Variants in MMP16 observed in about 807,000 individuals in gnomAD.
The protein encoded by MMP16 is matrix metalloproteinase-16.
A neutral mutation model predicts 67.8 loss-of-function variants in MMP16; 12 were observed. The ratio of observed to expected loss-of-function variants is 0.18; its 90% CI spans 0.11 to 0.29. MMP16 has a LOEUF of 0.29. Among genes scored for constraint, MMP16 ranks in the 10% least tolerant of loss-of-function variants. The pLI, the probability that MMP16 is intolerant of heterozygous loss-of-function variation, is 1.00. For synonymous variants in MMP16, 249 were observed against 255.9 expected, an observed-to-expected ratio of 0.97 and a Z score of 0.26; for missense variants, 475 against 765.7, an observed-to-expected ratio of 0.62 and a Z score of 4.48.
chr8:88,296,220 T>C (rs1811011568), intron 1 of MMP16, among the ~76,000 whole-genome samples: 1 of 152,164 alleles, frequency 6.6e-6, no homozygotes, highest in South Asian at 2.1e-4. Flanking sequence ...ATAATATAAC[T>C]CTATCTTTAA....
intron 1 of MMP16, among the ~76,000 whole-genome samples, chr8:88,197,765 C>A (rs536655329): frequency 6.6e-6 from 1 of 152,166 alleles, no homozygotes; most frequent in African/African-American, 2.4e-5. Context: ...GTGACTCCAG[C>A]TATGACGTGT....
chr8:88,050,939 T>C (rs1239524936), intron 8 of MMP16, among the ~76,000 whole-genome samples: 1 of 152,212 alleles, frequency 6.6e-6, no homozygotes, highest in Non-Finnish European at 1.5e-5. Context: ...TTTATTACAC[T>C]CTTTTGTAGG....
chr8:88,244,302 G>T (rs1163500871), intron 1 of MMP16, among the ~76,000 whole-genome samples: 1 of 152,058 alleles, frequency 6.6e-6, no homozygotes, highest in African/African-American at 2.4e-5. Context: ...ATTATTTTGT[G>T]AATTTACAAA....
chr8:88,308,115 T>G (rs1440076178), intron 1 of MMP16, among the ~76,000 whole-genome samples: 1 of 152,084 alleles, frequency 6.6e-6, no homozygotes, highest in Non-Finnish European at 1.5e-5. Context: ...AAAGGCAGCA[T>G]TTAAAGCATT....
intron 7 of MMP16, among the ~76,000 whole-genome samples, chr8:88,059,531 C>A (rs563704206): frequency 5.3e-5 from 8 of 152,154 alleles, no homozygotes; most frequent in Non-Finnish European, 1.0e-4. Flanking sequence ...ACTAGTTATT[C>A]GTGGCTGACA....
At chr8:88,267,660 T>C (rs1043139463) in intron 1 of MMP16, among the ~76,000 whole-genome samples, 1 of 152,204 alleles carries the variant, frequency 6.6e-6, no homozygotes, top group Non-Finnish European at 1.5e-5. Flanking sequence ...TTAGTAGAAT[T>C]ATCAAAGGTA....
chr8:88,267,323 TAA>T (rs1810491182), intron 1 of MMP16, among the ~76,000 whole-genome samples: 1 of 152,214 alleles, frequency 6.6e-6, no homozygotes, highest in Non-Finnish European at 1.5e-5. Context: ...TAGTGGTGGT[TAA>T]GTCTTAAATA....
intron 3 of MMP16, among the ~76,000 whole-genome samples, chr8:88,172,527 A>G (rs1468180784): frequency 6.6e-6 from 1 of 152,200 alleles, no homozygotes; most frequent in Non-Finnish European, 1.5e-5. Context: ...TCATGAGGTA[A>G]TAAGATTGCT....
intron 1 of MMP16, among the ~76,000 whole-genome samples, chr8:88,289,027 G>A (rs1249109804): frequency 1.3e-5 from 2 of 152,192 alleles, no homozygotes; most frequent in East Asian, 3.9e-4. Flanking sequence ...GGGGATCACA[G>A]AGGTTCACGC....
In MMP16 at chr8:88,211,683, T is replaced by C. The variant is rs532255592; in HGVS notation, c.133-14377A>G. Among the ~76,000 whole-genome samples the C allele has an allele frequency of 4.6e-5, 7 of 152,280 alleles. No homozygotes were observed. In the South Asian group the frequency reaches 1.5e-3, roughly 32 times the overall value. ...TTCCTAGACCAGGCTCTCTTTTACT[T>C]ATACTTGAATATTGCAACACTTTCC... On this transcript the variant is annotated intron_variant, in intron 1 of 9. Coordinates refer to ENST00000286614, the MANE Select transcript of MMP16 (RefSeq NM_005941.5).
chr8:88,048,390 A>G (rs1343048004), intron 8 of MMP16, among the ~76,000 whole-genome samples: 3 of 151,984 alleles, frequency 2.0e-5, no homozygotes, highest in African/African-American at 7.3e-5. Context: ...ATCACTCATT[A>G]TTGTCCATGT....
At chr8:88,053,135 A>C (rs1808290586) in intron 8 of MMP16, among the ~76,000 whole-genome samples, 1 of 152,180 alleles carries the variant, frequency 6.6e-6, no homozygotes, top group Non-Finnish European at 1.5e-5. Flanking sequence ...GGAAGCAGGC[A>C]CTAGAGCTAC....
chr8:88,099,594 T>C (rs1809099731), intron 6 of MMP16, among the ~76,000 whole-genome samples: 1 of 151,820 alleles, frequency 6.6e-6, no homozygotes, highest in Non-Finnish European at 1.5e-5. Context: ...TATAGTCCAA[T>C]AACTGAAATT....
At chr8:88,143,067 G>A (rs1220455711) in intron 4 of MMP16, among the ~76,000 whole-genome samples, 8 of 152,034 alleles carry the variant, frequency 5.3e-5, no homozygotes, top group Admixed American at 4.6e-4. Context: ...AGCCCATTAT[G>A]TCAAATCTAA....
At chr8:88,248,242 A>C (rs1352984760) in intron 1 of MMP16, among the ~76,000 whole-genome samples, 2 of 152,132 alleles carry the variant, frequency 1.3e-5, no homozygotes, top group Non-Finnish European at 2.9e-5. Flanking sequence ...AGTTGAAGTA[A>C]GCATATTGAA....
intron 7 of MMP16, among the ~76,000 whole-genome samples, chr8:88,061,340 A>G (rs1259273990): frequency 6.6e-6 from 1 of 152,088 alleles, no homozygotes; most frequent in Non-Finnish European, 1.5e-5. Flanking sequence ...CTGTTGGCCT[A>G]TACCTCAGTG....
chr8:88,041,332 T>G lies in MMP16; in HGVS notation c.*129A>C. The stretch of plus-strand genomic sequence containing the variant: ...TGCAGGACCAGCAACCCTCTGGGTT[T>G]GAAAGGTCAGCCCCGAATCAGGCTG... On this transcript the variant is annotated 3_prime_UTR_variant, in exon 10 of 10. Transcript: ENST00000286614. This position sits in a 1 kb window ranked among gnomAD's most constrained non-coding sequence, Gnocchi z 6.0. 1 of 897,830 alleles carries G rather than the reference T, an allele frequency of 1.1e-6. No homozygotes were observed. The highest frequency in any genetic ancestry group is 1.7e-6 in the Non-Finnish European group (1 of 577,328). 55.6% of individuals were successfully genotyped at this position (897,830 alleles called of 1,614,324 possible). A position where few individuals can be genotyped will look rare whatever the true frequency, so the allele number is the denominator to read the frequency against.
chr8:88,035,109 T>A lies in MMP16; in HGVS notation c.*6352A>T. On this transcript the variant is annotated 3_prime_UTR_variant, in exon 10 of 10. Coordinates refer to ENST00000286614, the MANE Select transcript of MMP16 (RefSeq NM_005941.5). This position sits in a 1 kb window ranked among gnomAD's most constrained non-coding sequence, Gnocchi z 4.7. Reference sequence around the variant, plus strand: ...AAACATCTCTATAAGCCAAAAAGTTTATCATTTTATTCTTGTTCACCATTC... The same window carrying A: ...AAACATCTCTATAAGCCAAAAAGTTAATCATTTTATTCTTGTTCACCATTC... The A allele has an allele frequency of 6.6e-6, 1 of 152,054 alleles. No individual in the cohort carries two copies. The highest frequency in any genetic ancestry group is 1.9e-4 in the East Asian group (1 of 5,202). 9.4% of individuals were successfully genotyped at this position (152,054 alleles called of 1,614,324 possible).
chr8:88,042,417 T>C (rs1158459872), intron 9 of MMP16, among the ~76,000 whole-genome samples: 1 of 152,152 alleles, frequency 6.6e-6, no homozygotes. Context: ...CAAGGAATCT[T>C]AACAAGTAAA....
Sources: allele counts gnomAD v4.1 joint callset (sites outside exome capture counted in the v4.1 genomes callset), GRCh38; gene constraint gnomAD v4.1.1; non-coding constraint Gnocchi (gnomAD v3.1); transcripts MANE v1.5; gene names NCBI Gene and HGNC (gene_info 2026-07-23, HGNC 2026-07-21).